TNRC6B: variants seen among roughly 807,000 people sequenced by gnomAD.
TNRC6B encodes the protein trinucleotide repeat-containing gene 6B protein.
A neutral mutation model predicts 203.6 loss-of-function variants in TNRC6B; 52 were observed. The observed-to-expected ratio is 0.26, with a 90% CI of 0.20 to 0.32. The LOEUF (loss-of-function observed/expected upper bound fraction) is 0.32. Among genes scored for constraint, TNRC6B ranks in the 10% least tolerant of loss-of-function variants. The pLI, the probability that TNRC6B is intolerant of heterozygous loss-of-function variation, is 1.00. For synonymous variants in TNRC6B, 838 were observed against 845.7 expected (o/e 0.99, Z 0.16); for missense variants, 1,923 against 2,286.2 (o/e 0.84, Z 3.24).
chr22:40,147,117 C>T (rs1283299383), intron 3 of TNRC6B, among the ~76,000 whole-genome samples: 8 of 152,122 alleles, frequency 5.3e-5, no homozygotes, highest in Non-Finnish European at 1.2e-4. Context: ...TTTAGCCTTA[C>T]AAAGGGAAGG....
chr22:40,110,178 G>T (rs947033240), intron 1 of TNRC6B, among the ~76,000 whole-genome samples: 11 of 152,154 alleles, frequency 7.2e-5, no homozygotes, highest in Non-Finnish European at 1.3e-4. Flanking sequence ...AATGTAAATT[G>T]CCAAATTATA....
chr22:40,167,578 G>GT (rs556118819), intron 4 of TNRC6B, among the ~76,000 whole-genome samples: 2 of 151,814 alleles, frequency 1.3e-5, no homozygotes, highest in African/African-American at 2.4e-5. Flanking sequence ...AGTTTTTTGT[G>GT]TTTTTTTAAC....
chr22:40,127,584 T>C (rs905340501), intron 3 of TNRC6B, among the ~76,000 whole-genome samples: 2 of 152,120 alleles, frequency 1.3e-5, no homozygotes, highest in Admixed American at 6.5e-5. Flanking sequence ...TAGTGAAATA[T>C]AATGTTAAGG....
rs1043565149 is a variant in TNRC6B at position 40,273,699 on chromosome 22, C to G, written c.3141+99C>G. Reference sequence around the variant, plus strand: ...TTTTGTTTTGAGACAAGTTCTCCCTCTGTCACCCAGACTGGAGTGCAGTGG... The same window carrying G: ...TTTTGTTTTGAGACAAGTTCTCCCTGTGTCACCCAGACTGGAGTGCAGTGG... On this transcript the variant is annotated intron_variant, in intron 7 of 22. Coordinates refer to ENST00000454349, the MANE Select transcript of TNRC6B (RefSeq NM_001162501.2). 6 of 1,344,058 alleles carry G rather than the reference C, an allele frequency of 4.5e-6. No individual in the cohort carries two copies. In the African/African-American group the frequency reaches 8.8e-5, roughly 20 times the overall value. The allele number at this position is 1,344,058 out of a possible 1,614,324, so 83.3% of individuals were successfully genotyped here.
rs189207603 is a variant in TNRC6B at position 40,144,414 on chromosome 22, G to A, written c.46-11701G>A. ...CTCTTGGCTGGGCGCAGTGGCTCCC[G>A]CCTGTAATCCCAGCACTTTGGGAGG... On this transcript the variant is annotated intron_variant, in intron 3 of 23. Transcript: ENST00000301923. Among the ~76,000 whole-genome samples, 11 of 152,302 alleles carry A rather than the reference G, an allele frequency of 7.2e-5. No individual in the cohort carries two copies. In the East Asian group the frequency reaches 1.3e-3, roughly 19 times the overall value.
intron 3 of TNRC6B, among the ~76,000 whole-genome samples, chr22:40,132,951 A>AT (rs1371909627): frequency 5.9e-5 from 5 of 84,912 alleles, no homozygotes; most frequent in Admixed American, 1.4e-4. Flanking sequence ...CTCAAAAAAA[A>AT]AAAAAAAAAA....
chr22:40,145,928 C>T (rs972535856), intron 3 of TNRC6B, among the ~76,000 whole-genome samples: 2 of 152,058 alleles, frequency 1.3e-5, no homozygotes, highest in Admixed American at 1.3e-4. Flanking sequence ...TGCATGGCAA[C>T]GTCAGCCTGA....
At chr22:40,252,952 A>G (rs1333358765) in intron 3 of TNRC6B, among the ~76,000 whole-genome samples, 1 of 152,162 alleles carries the variant, frequency 6.6e-6, no homozygotes, top group Non-Finnish European at 1.5e-5. Flanking sequence ...GGTTGCTGCA[A>G]CATGGTGGTT....
chr22:40,308,571 T>A lies in TNRC6B; in HGVS notation c.4180T>A (p.Ser1394Thr), dbSNP rs2071126845. ...MVGGKEAGTE[S>T]RFKQWTSMME... is the part of the protein sequence containing the mutation. ...TGGTGGGAAGGAGGCTGGAACCGAG[T>A]CTCGCTTTAAACAGTGGACCTCCAT... The change falls in exon 16 of 23, where the codon TCT (serine) becomes ACT (threonine). Residue 1394 changes from serine to threonine, a missense_variant. Physicochemically the swap from Ser to Thr is moderately conservative, Grantham distance 58 (BLOSUM62 1). Transcript: ENST00000454349. The A allele has an allele frequency of 6.2e-7, 1 of 1,613,902 alleles. No individual in the cohort carries two copies. The highest frequency in any genetic ancestry group is 1.7e-5 in the Admixed American group (1 of 60,002).
intron 1 of TNRC6B, among the ~76,000 whole-genome samples, chr22:40,097,211 A>G (rs891330064): frequency 6.6e-6 from 1 of 151,664 alleles, no homozygotes; most frequent in Non-Finnish European, 1.5e-5. Flanking sequence ...TATAAGAGCA[A>G]TTTATGCTCT....
chr22:40,296,619 A>G, intron 12 of TNRC6B, among the ~76,000 whole-genome samples: 1 of 146,458 alleles, frequency 6.8e-6, no homozygotes, highest in East Asian at 2.0e-4. Flanking sequence ...GGCGTGAGCC[A>G]CCGCGCCCGG....
rs1156815542 is a variant in TNRC6B at position 40,330,641 on chromosome 22, A to G, written c.*7400A>G. 6.5e-6 allele frequency: 1 copy of G among 152,686 alleles called. No individual in the cohort carries two copies. Among genetic ancestry groups the G allele is most frequent in the Admixed American group, 6.5e-5 (1 of 15,282 alleles). 9.5% of individuals were successfully genotyped at this position (152,686 alleles called of 1,614,324 possible). Reference sequence around the variant, plus strand: ...GCCAGAAATTTTGGGATAAGTTGGAATAAATGTGTTTAAAACATCATCCAC... The same window carrying G: ...GCCAGAAATTTTGGGATAAGTTGGAGTAAATGTGTTTAAAACATCATCCAC... On this transcript the variant is annotated 3_prime_UTR_variant, in exon 23 of 23. Transcript: ENST00000454349.
intron 21 of TNRC6B, among the ~76,000 whole-genome samples, chr22:40,318,768 T>C (rs1276749638): frequency 6.6e-6 from 1 of 152,058 alleles, no homozygotes; most frequent in African/African-American, 2.4e-5. Flanking sequence ...GTTCACTTGT[T>C]CTATCTTATG....
intron 1 of TNRC6B, among the ~76,000 whole-genome samples, chr22:40,051,795 T>C (rs1367561987): frequency 1.3e-5 from 2 of 152,316 alleles, no homozygotes; most frequent in East Asian, 1.9e-4. Context: ...AGGGGTGAAA[T>C]TGATTTTTAT....
rs1026435485 is a variant in TNRC6B at position 40,327,835 on chromosome 22, A to G, written c.*4594A>G. 6.6e-6 allele frequency: 1 copy of G among 152,134 alleles called. No individual in the cohort carries two copies. The highest frequency in any genetic ancestry group is 1.5e-5 in the Non-Finnish European group (1 of 68,020). 9.4% of individuals were successfully genotyped at this position (152,134 alleles called of 1,614,324 possible). ...TTTTAAAAACATTTTGATTATGTTA[A>G]TTTGAGCTTTCCCTTTTTTTTTTTT... On this transcript the variant is annotated 3_prime_UTR_variant, in exon 23 of 23. Coordinates refer to ENST00000454349, the MANE Select transcript of TNRC6B (RefSeq NM_001162501.2).
At chr22:40,254,864 A>G (rs546460552) in intron 3 of TNRC6B, among the ~76,000 whole-genome samples, 6 of 152,258 alleles carry the variant, frequency 3.9e-5, no homozygotes, top group South Asian at 2.1e-4. Context: ...TCCAGCTGGG[A>G]CAACAGAGCG....
Position 40,280,048 on chromosome 22 carries a change from G to A in TNRC6B, c.3316G>A (p.Asp1106Asn), listed in dbSNP as rs1193017423. 1 of 1,613,914 alleles carries A rather than the reference G, an allele frequency of 6.2e-7. No homozygotes were observed. The highest frequency in any genetic ancestry group is 2.2e-5 in the East Asian group (1 of 44,884). The change falls in exon 10 of 23, where the codon GAT (aspartate) becomes AAT (asparagine). Residue 1106 changes from aspartate to asparagine, a missense_variant. Transcript: ENST00000454349. ...DVDKRAMNLGDFNDIMRKDRS... is the reference protein window; with the variant it reads ...DVDKRAMNLGNFNDIMRKDRS... Reference sequence around the variant, plus strand: ...GGACAAGCGAGCGATGAATCTCGGGGATTTTAATGATATCATGAGGAAGGA... The same window carrying A: ...GGACAAGCGAGCGATGAATCTCGGGAATTTTAATGATATCATGAGGAAGGA...
chr22:40,129,972 T>G (rs1227595892), intron 3 of TNRC6B, among the ~76,000 whole-genome samples: 2 of 152,144 alleles, frequency 1.3e-5, no homozygotes, highest in African/African-American at 4.8e-5. Flanking sequence ...GAGTAGGAGG[T>G]GCAGAAACCA....
intron 3 of TNRC6B, among the ~76,000 whole-genome samples, chr22:40,126,289 T>C (rs2068492500): frequency 6.6e-6 from 1 of 152,186 alleles, no homozygotes; most frequent in South Asian, 2.1e-4. Context: ...CGTGCAGGTT[T>C]GTTGCATGAG....
Sources: gnomAD v4.1 joint callset for allele counts (sites outside exome capture counted in the v4.1 genomes callset) on GRCh38, gnomAD v4.1.1 for gene constraint, MANE v1.5 for transcripts, NCBI Gene and HGNC (gene_info 2026-07-23, HGNC 2026-07-21) for gene names.